Variants in SH2D4B observed in about 807,000 individuals in gnomAD.
SH2D4B encodes SH2 domain-containing protein 4B.
SH2D4B carries 45 observed loss-of-function variants against 61.5 expected under a neutral mutation model. The ratio of observed to expected loss-of-function variants is 0.73; its 90% CI spans 0.58 to 0.94. The LOEUF is 0.94. Ranked by LOEUF, SH2D4B falls within the 40% of genes least tolerant of loss-of-function variation. The probability of loss-of-function intolerance (pLI) is 0.00; values close to 1 mark genes in which losing one functional copy is unlikely to be tolerated. For synonymous variants in SH2D4B, 224 were observed against 220.4 expected, an observed-to-expected ratio of 1.02 and a Z score of -0.14; for missense variants, 572 against 574.2, an observed-to-expected ratio of 1.00 and a Z score of 0.04.
At chr10:80,544,227 A>C (rs1165743629) in intron 1 of SH2D4B, among the ~76,000 whole-genome samples, 2 of 151,598 alleles carry the variant, frequency 1.3e-5, no homozygotes, top group African/African-American at 4.9e-5. Flanking sequence ...AGAATGAACA[A>C]CTCCAGAGGC....
chr10:80,571,045 T>A (rs892343591), intron 2 of SH2D4B, among the ~76,000 whole-genome samples: 6 of 152,148 alleles, frequency 3.9e-5, no homozygotes, highest in African/African-American at 1.4e-4. Flanking sequence ...GGCTAATTTT[T>A]CAAATTTTTA....
intron 5 of SH2D4B, 67 bp downstream of exon 5, chr10:80,603,862 G>A (rs1463098701): frequency 2.1e-6 from 3 of 1,433,698 alleles, no homozygotes; most frequent in Non-Finnish European, 1.9e-6. Flanking sequence ...GGACACCGGG[G>A]TCCCCGTCCC....
At chr10:80,632,787 G>C (rs1018468068) in intron 6 of SH2D4B, among the ~76,000 whole-genome samples, 3 of 151,982 alleles carry the variant, frequency 2.0e-5, no homozygotes, top group Admixed American at 6.6e-5. Flanking sequence ...AAGGCCTTCT[G>C]GGGGGAAGCA....
At chr10:80,576,343 A>G (rs1842125172) in intron 3 of SH2D4B, among the ~76,000 whole-genome samples, 1 of 152,252 alleles carries the variant, frequency 6.6e-6, no homozygotes, top group Admixed American at 6.5e-5. Flanking sequence ...TGGTTCAAAT[A>G]TTAATTTGAT....
chr10:80,581,498 T>A (rs1415688776), intron 3 of SH2D4B, among the ~76,000 whole-genome samples: 1 of 139,158 alleles, frequency 7.2e-6, no homozygotes, highest in African/African-American at 3.1e-5. Context: ...TGAGATCGAG[T>A]GGGTTAGACC....
chr10:80,628,414 C>T (rs1276209725), intron 6 of SH2D4B, among the ~76,000 whole-genome samples: 3 of 152,150 alleles, frequency 2.0e-5, no homozygotes, highest in African/African-American at 7.2e-5. Flanking sequence ...GTGAGTTGTT[C>T]CTCCTTGCCT....
At chr10:80,625,341 C>T (rs891626688) in intron 6 of SH2D4B, among the ~76,000 whole-genome samples, 8 of 152,072 alleles carry the variant, frequency 5.3e-5, no homozygotes, top group African/African-American at 1.9e-4. Flanking sequence ...TTCCAGGAAC[C>T]CCTGTGGATA....
At chr10:80,556,244 C>T (rs756081489) in intron 1 of SH2D4B, among the ~76,000 whole-genome samples, 7 of 152,018 alleles carry the variant, frequency 4.6e-5, no homozygotes, top group Admixed American at 3.9e-4. Context: ...TGACCATGTA[C>T]GTGTGGGACT....
intron 4 of SH2D4B, among the ~76,000 whole-genome samples, chr10:80,589,699 C>A (rs1842303964): frequency 6.6e-6 from 1 of 152,138 alleles, no homozygotes; most frequent in Non-Finnish European, 1.5e-5. Flanking sequence ...GTAGCACATA[C>A]AACATAGTTG....
At chr10:80,570,725 G>C (rs1451108611) in intron 2 of SH2D4B, among the ~76,000 whole-genome samples, 2 of 152,094 alleles carry the variant, frequency 1.3e-5, no homozygotes, top group African/African-American at 4.8e-5. Context: ...TATGGTACAG[G>C]TATTTATTAT....
chr10:80,643,688 G>A (rs918506195), intron 7 of SH2D4B, among the ~76,000 whole-genome samples: 1 of 151,920 alleles, frequency 6.6e-6, no homozygotes, highest in Admixed American at 6.6e-5. Context: ...ACTCTTCCTC[G>A]GCTTGCTGTA....
chr10:80,604,073 A>G (rs991009483), intron 5 of SH2D4B, among the ~76,000 whole-genome samples: 8 of 152,190 alleles, frequency 5.3e-5, no homozygotes, highest in African/African-American at 1.4e-4. Context: ...TTCCCCCTCA[A>G]ATATGCATAT....
chr10:80,622,635 AT>A (rs1564786253), intron 6 of SH2D4B, among the ~76,000 whole-genome samples: 2 of 152,140 alleles, frequency 1.3e-5, no homozygotes, highest in Admixed American at 6.5e-5. Flanking sequence ...GGAGGGTCTC[AT>A]GGTGGGCTCC....
intron 4 of SH2D4B, among the ~76,000 whole-genome samples, chr10:80,598,888 A>C (rs1842413820): frequency 6.6e-6 from 1 of 152,056 alleles, no homozygotes; most frequent in African/African-American, 2.4e-5. Flanking sequence ...ATTTGTAAAA[A>C]CTGGACATTT....
At chr10:80,604,340 T>G (rs1842490874) in intron 5 of SH2D4B, among the ~76,000 whole-genome samples, 1 of 152,216 alleles carries the variant, frequency 6.6e-6, no homozygotes, top group African/African-American at 2.4e-5. Context: ...CTTAGGTGAC[T>G]GTCCGAAATT....
intron 1 of SH2D4B, among the ~76,000 whole-genome samples, chr10:80,567,697 C>T (rs1247741850): frequency 1.3e-5 from 2 of 152,228 alleles, no homozygotes. Context: ...CGCAAAGTTT[C>T]CCTGCCTTGC....
rs1460667998 is a variant in SH2D4B, at chr10:80,571,435, CAGAA to C, written c.353_356del (p.Gln118ArgfsTer76). On this transcript the variant is annotated frameshift_variant, in exon 3 of 8. Transcript: ENST00000646907. LOFTEE classifies it high-confidence loss of function. ...CCTGTGGTGCTCTCTTGGTAGGAGA[CAGAA>C]GGAGGCAGAGATCACCAAGAAGTTC... 1 of 1,613,894 alleles carries C rather than the reference CAGAA, an allele frequency of 6.2e-7. No individual in the cohort carries two copies. The highest frequency in any genetic ancestry group is 1.1e-5 in the South Asian group (1 of 91,062).
chr10:80,635,389 A>C (rs1798973958), intron 7 of SH2D4B, among the ~76,000 whole-genome samples: 1 of 152,288 alleles, frequency 6.6e-6, no homozygotes, highest in South Asian at 2.1e-4. Context: ...ACATCTAACC[A>C]AGCTTTGTGG....
intron 1 of SH2D4B, among the ~76,000 whole-genome samples, chr10:80,568,131 A>G (rs1841994694): frequency 6.6e-6 from 1 of 150,844 alleles, no homozygotes; most frequent in Non-Finnish European, 1.5e-5. Context: ...TCTGTCGCTC[A>G]GGCTGGAGTG....
Sources: gnomAD v4.1 joint callset for allele counts (sites outside exome capture counted in the v4.1 genomes callset) on GRCh38, gnomAD v4.1.1 for gene constraint, MANE v1.5 for transcripts, NCBI Gene and HGNC (gene_info 2026-07-23, HGNC 2026-07-21) for gene names.